The following PSD3 variants were observed in gnomAD, a reference collection of about 807,000 sequenced individuals.
PSD3 encodes PH and SEC7 domain-containing protein 3.
In PSD3, 49 loss-of-function variants were observed where a neutral mutation model predicts 105.5. The observed-to-expected ratio is 0.46, with a 90% CI of 0.37 to 0.59. The LOEUF is 0.59. PSD3 is among the 20% of genes least tolerant of loss of function. The pLI is 0.00. For synonymous variants in PSD3, 557 were observed against 457.8 expected (o/e 1.22, Z -2.77); for missense variants, 1,561 against 1,263.8 (o/e 1.24, Z -3.57).
chr8:19,066,425 C>G (rs1251552679), intron 1 of PSD3, among the ~76,000 whole-genome samples: 1 of 152,192 alleles, frequency 6.6e-6, no homozygotes, highest in Non-Finnish European at 1.5e-5. Flanking sequence ...CACCAACACA[C>G]TACTATCTTA....
At position 19,050,621 on chromosome 8, in the gene PSD3, G is replaced by A. The variant is rs149331102; in HGVS notation, c.324+33585C>T. ...AAACACCGCATATTCTCACTCATAG[G>A]TGGGAAGTGAACAATGAGAACACAT... On this transcript the variant is annotated intron_variant, in intron 1 of 1. Coordinates refer to the PSD3 transcript ENST00000521475. 9.3e-3 allele frequency among the ~76,000 whole-genome samples: 1,411 copies of A among 152,226 alleles called. 17 individuals are homozygous for A. Among genetic ancestry groups the A allele is most frequent in the African/African-American group, 0.021 (887 of 41,518 alleles).
intron 4 of PSD3, among the ~76,000 whole-genome samples, chr8:18,840,281 G>A (rs1418690818): frequency 6.6e-6 from 1 of 152,178 alleles, no homozygotes; most frequent in Non-Finnish European, 1.5e-5. Context: ...GTTGTGTGGG[G>A]TGCATTAAAC....
At chr8:18,762,325 A>G (rs1806607500) in intron 9 of PSD3, among the ~76,000 whole-genome samples, 1 of 152,078 alleles carries the variant, frequency 6.6e-6, no homozygotes, top group African/African-American at 2.4e-5. Context: ...CCCTTCTGCC[A>G]CGATTTTAGG....
chr8:19,057,229 A>C (rs370101911), intron 1 of PSD3, among the ~76,000 whole-genome samples: 1 of 152,144 alleles, frequency 6.6e-6, no homozygotes, highest in Non-Finnish European at 1.5e-5. Context: ...AATTTGAACA[A>C]GAAATTTCTC....
chr8:18,946,554 C>G (rs1182308719), intron 1 of PSD3, among the ~76,000 whole-genome samples: 2 of 104,432 alleles, frequency 1.9e-5, no homozygotes. Flanking sequence ...GCACTCCAGC[C>G]TGGGCATGGA....
chr8:18,798,180 C>T (rs1000343255), intron 8 of PSD3, among the ~76,000 whole-genome samples: 6 of 152,168 alleles, frequency 3.9e-5, no homozygotes, highest in African/African-American at 1.4e-4. Flanking sequence ...CCGTGCTATA[C>T]TGCCCAAGAA....
intron 2 of PSD3, among the ~76,000 whole-genome samples, chr8:18,927,027 C>T (rs1821410823): frequency 1.3e-5 from 2 of 152,064 alleles, no homozygotes; most frequent in African/African-American, 4.8e-5. Flanking sequence ...TCACAGAACT[C>T]AGGGAAACAT....
chr8:18,896,240 C>A (rs748632805), intron 2 of PSD3, among the ~76,000 whole-genome samples: 18 of 152,156 alleles, frequency 1.2e-4, no homozygotes, highest in Non-Finnish European at 1.9e-4. Context: ...TAGGTAGATT[C>A]CCCTTCTTGG....
At chr8:18,595,601 A>G (rs1046503842) in intron 12 of PSD3, among the ~76,000 whole-genome samples, 1 of 152,066 alleles carries the variant, frequency 6.6e-6, no homozygotes, top group Non-Finnish European at 1.5e-5. Flanking sequence ...ATTGCATGCA[A>G]TTGGTAACAA....
rs552212512 is a variant in PSD3, at chr8:18,530,034, G to A, written c.*5709C>T. ...ACTACCAACACATTACTGCAGCCTG[G>A]AGCTGAAGTTAGTCTCCCACCCCAC... On this transcript the variant is annotated 3_prime_UTR_variant, in exon 16 of 16. Transcript: ENST00000327040. The A allele has an allele frequency of 6.6e-6, 1 of 152,582 alleles. No individual in the cohort carries two copies. Among genetic ancestry groups the A allele is most frequent in the East Asian group, 1.9e-4 (1 of 5,172 alleles). 9.5% of individuals were successfully genotyped at this position (152,582 alleles called of 1,614,324 possible). A position where few individuals can be genotyped will look rare whatever the true frequency, so the allele number is the denominator to read the frequency against.
chr8:19,021,558 CAA>C (rs11431700), intron 1 of PSD3, among the ~76,000 whole-genome samples: 14,060 of 130,846 alleles, frequency 0.11, 799 homozygotes, highest in Non-Finnish European at 0.15. Context: ...TTTTTTGTTA[CAA>C]AAAAAAAAAA....
At chr8:18,752,559 T>TATATATATTAC (rs1805639916) in intron 9 of PSD3, among the ~76,000 whole-genome samples, 2 of 71,122 alleles carry the variant, frequency 2.8e-5, no homozygotes, top group African/African-American at 7.3e-5. Flanking sequence ...TATATAATTA[T>TATATATATTAC]ATATATTATA....
At position 18,600,281 on chromosome 8, in the gene PSD3, G is replaced by A. The variant is rs534841164; in HGVS notation, c.2481+83C>T. 2.5e-6 allele frequency: 3 copies of A among 1,217,176 alleles called. No individual in the cohort carries two copies. The East Asian group carries it at 7.2e-5, about 29-fold the overall frequency. 75.4% of individuals were successfully genotyped at this position (1,217,176 alleles called of 1,614,324 possible). A position where few individuals can be genotyped will look rare whatever the true frequency, so the allele number is the denominator to read the frequency against. On this transcript the variant is annotated intron_variant, in intron 12 of 15. Transcript: ENST00000327040. ...TGCAGAAAGTGAAACCACAGATAAG[G>A]GAGACTACCGTACATACATATACTG...
chr8:18,843,308 C>A (rs977285475), intron 4 of PSD3, among the ~76,000 whole-genome samples: 1 of 149,946 alleles, frequency 6.7e-6, no homozygotes, highest in East Asian at 1.9e-4. Context: ...TTGCAGTGAG[C>A]CGAGATCGCA....
chr8:18,649,481 G>C (rs1480960077), intron 10 of PSD3, among the ~76,000 whole-genome samples: 1 of 152,128 alleles, frequency 6.6e-6, no homozygotes, highest in Non-Finnish European at 1.5e-5. Flanking sequence ...ATTGTATCTT[G>C]GGAGCAACTA....
intron 12 of PSD3, among the ~76,000 whole-genome samples, chr8:18,591,172 G>A (rs1803576587): frequency 6.6e-6 from 1 of 152,170 alleles, no homozygotes. Flanking sequence ...GGTAAGAAGA[G>A]TGATTTCATC....
At chr8:19,024,884 G>A (rs1427836556) in intron 1 of PSD3, among the ~76,000 whole-genome samples, 1 of 152,122 alleles carries the variant, frequency 6.6e-6, no homozygotes, top group Non-Finnish European at 1.5e-5. Flanking sequence ...CTGTTCCCGA[G>A]TTGTAGCTTT....
intron 1 of PSD3, among the ~76,000 whole-genome samples, chr8:18,997,155 A>T (rs1826125212): frequency 6.6e-6 from 1 of 151,410 alleles, no homozygotes; most frequent in Admixed American, 6.6e-5. Context: ...TATTCTGACA[A>T]CTCTCAAATG....
At chr8:18,796,446 T>C (rs533913186) in intron 8 of PSD3, among the ~76,000 whole-genome samples, 4 of 152,198 alleles carry the variant, frequency 2.6e-5, no homozygotes, top group Non-Finnish European at 5.9e-5. Flanking sequence ...ACGCATGCTA[T>C]ATACATGTTT....
Sources: allele counts gnomAD v4.1 joint callset (sites outside exome capture counted in the v4.1 genomes callset), GRCh38; gene constraint gnomAD v4.1.1; transcripts MANE v1.5; gene names NCBI Gene and HGNC (gene_info 2026-07-23, HGNC 2026-07-21).